AUTS2: variants seen among roughly 807,000 people sequenced by gnomAD.
AUTS2 encodes autism susceptibility gene 2 protein.
A neutral mutation model predicts 112.4 loss-of-function variants in AUTS2; 17 were observed. That is an observed-to-expected ratio of 0.15 (90% CI 0.10 to 0.23). AUTS2 has a LOEUF of 0.23. AUTS2 is among the 10% of genes least tolerant of loss of function. The probability of loss-of-function intolerance (pLI) is 1.00; values close to 1 mark genes in which losing one functional copy is unlikely to be tolerated. For synonymous variants in AUTS2, 751 were observed against 702.7 expected, an observed-to-expected ratio of 1.07 and a Z score of -1.09; for missense variants, 1,510 against 1,701.6, an observed-to-expected ratio of 0.89 and a Z score of 1.98.
intron 1 of AUTS2, among the ~76,000 whole-genome samples, chr7:69,612,139 T>C (rs1793074221): frequency 6.6e-6 from 1 of 152,178 alleles, no homozygotes; most frequent in Admixed American, 6.5e-5. Context: ...TTGATAGTCT[T>C]AATGCTGGGA....
chr7:70,079,388 A>G (rs1803193095), intron 2 of AUTS2, among the ~76,000 whole-genome samples: 1 of 152,026 alleles, frequency 6.6e-6, no homozygotes, highest in African/African-American at 2.4e-5. Flanking sequence ...TGTAATCCCA[A>G]CTGCTTGGGA....
intron 1 of AUTS2, among the ~76,000 whole-genome samples, chr7:69,689,778 A>G (rs1797244159): frequency 6.6e-6 from 1 of 151,274 alleles, no homozygotes; most frequent in Non-Finnish European, 1.5e-5. Flanking sequence ...CCCAGGCTCA[A>G]GTAATTCTCC....
chr7:69,989,885 T>C (rs947105539), intron 2 of AUTS2, among the ~76,000 whole-genome samples: 1 of 152,120 alleles, frequency 6.6e-6, no homozygotes, highest in African/African-American at 2.4e-5. Flanking sequence ...CTAACTCTAT[T>C]GTGAACTGTG....
At chr7:69,626,092 G>A (rs1325694407) in intron 1 of AUTS2, among the ~76,000 whole-genome samples, 1 of 152,136 alleles carries the variant, frequency 6.6e-6, no homozygotes, top group Non-Finnish European at 1.5e-5. Context: ...GTGTTCCTGA[G>A]TAGTTGTGAC....
intron 5 of AUTS2, among the ~76,000 whole-genome samples, chr7:70,537,153 C>G (rs545368857): frequency 1.3e-5 from 2 of 152,270 alleles, no homozygotes; most frequent in African/African-American, 2.4e-5. Flanking sequence ...CCTTGGAAAA[C>G]AAGGACAAGT....
At chr7:70,590,413 A>T (rs890659998) in intron 5 of AUTS2, among the ~76,000 whole-genome samples, 2 of 152,004 alleles carry the variant, frequency 1.3e-5, no homozygotes, top group Non-Finnish European at 2.9e-5. Flanking sequence ...ACCATCCCCT[A>T]TCTCCCTAGA....
intron 5 of AUTS2, among the ~76,000 whole-genome samples, chr7:70,585,626 A>G (rs973198734): frequency 1.3e-5 from 2 of 152,134 alleles, no homozygotes; most frequent in Non-Finnish European, 2.9e-5. Flanking sequence ...AAACAGCCCC[A>G]ATTTATGCCT....
At chr7:70,248,056 G>A (rs1003122579) in intron 4 of AUTS2, among the ~76,000 whole-genome samples, 2 of 152,044 alleles carry the variant, frequency 1.3e-5, no homozygotes, top group Non-Finnish European at 1.5e-5. Context: ...TCTGTAATTC[G>A]GGGGTTAAAC....
chr7:70,433,684 G>A (rs922566373), intron 4 of AUTS2, among the ~76,000 whole-genome samples: 1 of 152,172 alleles, frequency 6.6e-6, no homozygotes, highest in African/African-American at 2.4e-5. Context: ...TGGTTAAATC[G>A]CTGTCACTGA....
intron 2 of AUTS2, among the ~76,000 whole-genome samples, chr7:69,978,201 C>G (rs1798137770): frequency 6.6e-6 from 1 of 152,142 alleles, no homozygotes; most frequent in Admixed American, 6.5e-5. Flanking sequence ...TTAAGTTTAC[C>G]TTGCTTTAGA....
At chr7:70,663,666 A>C (rs1807189396) in intron 5 of AUTS2, among the ~76,000 whole-genome samples, 1 of 151,970 alleles carries the variant, frequency 6.6e-6, no homozygotes, top group African/African-American at 2.4e-5. Flanking sequence ...TGCCATTGCC[A>C]AGAACTAGTC....
intron 2 of AUTS2, among the ~76,000 whole-genome samples, chr7:69,918,727 T>C (rs948115964): frequency 2.6e-5 from 4 of 152,212 alleles, no homozygotes; most frequent in African/African-American, 9.6e-5. Context: ...GGCATAATTA[T>C]TCCGTATTTT....
chr7:69,671,767 C>A (rs2129156355), intron 1 of AUTS2, among the ~76,000 whole-genome samples: 2 of 152,108 alleles, frequency 1.3e-5, no homozygotes, highest in South Asian at 2.1e-4. Flanking sequence ...GTAGAGGATA[C>A]TAGTTTTTAA....
At chr7:70,580,112 C>A (rs1215069955) in intron 5 of AUTS2, among the ~76,000 whole-genome samples, 3 of 152,118 alleles carry the variant, frequency 2.0e-5, no homozygotes, top group South Asian at 2.1e-4. Context: ...GTGGTGTGCA[C>A]TGGGCCTCAA....
chr7:70,124,870 T>C (rs549573342), intron 3 of AUTS2, among the ~76,000 whole-genome samples: 1 of 152,348 alleles, frequency 6.6e-6, no homozygotes, highest in African/African-American at 2.4e-5. Context: ...CCAGCTTCAG[T>C]CTTCTTTAAT....
chr7:69,674,514 G>C (rs1796469277), intron 1 of AUTS2, among the ~76,000 whole-genome samples: 1 of 126,570 alleles, frequency 7.9e-6, no homozygotes, highest in African/African-American at 2.8e-5. Flanking sequence ...AGCAGTGCCT[G>C]AGACATTGTA....
At chr7:70,664,066 T>G (rs990804269) in intron 5 of AUTS2, among the ~76,000 whole-genome samples, 3 of 152,218 alleles carry the variant, frequency 2.0e-5, no homozygotes, top group African/African-American at 7.2e-5. Context: ...CAAAGCAAGA[T>G]GGACAGAATG....
At chr7:70,491,471 CATAAT>C (rs1192423116) in intron 5 of AUTS2, among the ~76,000 whole-genome samples, 1 of 146,510 alleles carries the variant, frequency 6.8e-6, no homozygotes, top group African/African-American at 2.5e-5. Flanking sequence ...TATATATACA[CATAAT>C]ATATATGTTA....
In AUTS2 at chr7:70,257,349, G is replaced by A. The variant is rs187938517; in HGVS notation, c.660+122778G>A. Among the ~76,000 whole-genome samples, 319 of 152,192 alleles carry A rather than the reference G, an allele frequency of 2.1e-3. 4 individuals carry two copies. Among genetic ancestry groups the A allele is most frequent in the Non-Finnish European group, 1.4e-3 (95 of 68,006 alleles). On this transcript the variant is annotated intron_variant, in intron 4 of 18. Transcript: ENST00000342771. ...TGTTGTTGTTTTGAGACAGAGTCTT[G>A]CTCTGTCCCCCTGGCTGGAGTGCAG... is the stretch of plus-strand genomic sequence containing the variant.
Sources: allele counts gnomAD v4.1 joint callset (sites outside exome capture counted in the v4.1 genomes callset), GRCh38; gene constraint gnomAD v4.1.1; transcripts MANE v1.5; gene names NCBI Gene and HGNC (gene_info 2026-07-23, HGNC 2026-07-21).